The following ANO6 variants were observed in gnomAD, a reference collection of about 807,000 sequenced individuals.
ANO6 encodes anoctamin-6.
In ANO6, 106 loss-of-function variants were observed where a neutral mutation model predicts 117.5. The observed-to-expected ratio is 0.90, with a 90% CI of 0.77 to 1.06. The LOEUF (loss-of-function observed/expected upper bound fraction) is 1.06, where lower values mean the gene tolerates loss of function less well. ANO6 is among the 50% of genes least tolerant of loss of function. The pLI is 0.00. For missense variants in ANO6, 955 were observed against 1,121.1 expected, an observed-to-expected ratio of 0.85 and a Z score of 2.12; for synonymous variants, 367 against 385.1, an observed-to-expected ratio of 0.95 and a Z score of 0.55.
intron 1 of ANO6, among the ~76,000 whole-genome samples, chr12:45,233,582 G>A (rs1176363989): frequency 6.6e-6 from 1 of 152,100 alleles, no homozygotes; most frequent in Non-Finnish European, 1.5e-5. Context: ...TCTTTTGCCT[G>A]TGCTCTTGTC....
At chr12:45,266,159 A>C (rs887566017) in intron 1 of ANO6, among the ~76,000 whole-genome samples, 1 of 152,180 alleles carries the variant, frequency 6.6e-6, no homozygotes, top group African/African-American at 2.4e-5. Context: ...TGATCTTTTC[A>C]GTTGTCTGCA....
At chr12:45,250,367 A>G (rs1438108749) in intron 1 of ANO6, among the ~76,000 whole-genome samples, 2 of 152,204 alleles carry the variant, frequency 1.3e-5, no homozygotes, top group East Asian at 1.9e-4. Flanking sequence ...TAAAGACAGA[A>G]GAAAATATGT....
chr12:45,274,729 C>T (rs1034153726), intron 1 of ANO6, among the ~76,000 whole-genome samples: 1 of 151,226 alleles, frequency 6.6e-6, no homozygotes, highest in African/African-American at 2.4e-5. Flanking sequence ...TCCTGCTCTG[C>T]GTGTCTCTTA....
intron 1 of ANO6, among the ~76,000 whole-genome samples, chr12:45,269,652 T>C (rs1321358314): frequency 6.6e-6 from 1 of 152,208 alleles, no homozygotes; most frequent in Non-Finnish European, 1.5e-5. Flanking sequence ...AATCAATTTC[T>C]AACTAAGTAT....
intron 9 of ANO6, among the ~76,000 whole-genome samples, chr12:45,369,494 T>A (rs1941768312): frequency 6.7e-6 from 1 of 149,746 alleles, no homozygotes; most frequent in Non-Finnish European, 1.5e-5. Context: ...TGTGTGCATT[T>A]TTTTGTTTTG....
intron 1 of ANO6, among the ~76,000 whole-genome samples, chr12:45,239,329 G>T (rs535266321): frequency 2.0e-5 from 3 of 152,188 alleles, no homozygotes; most frequent in African/African-American, 7.2e-5. Flanking sequence ...TATTTGTGTG[G>T]GTGTGTTTGT....
Position 45,350,705 on chromosome 12 carries a change from G to T in ANO6, c.794G>T (p.Arg265Leu). The T allele has an allele frequency of 6.2e-7, 1 of 1,613,724 alleles. No individual in the cohort carries two copies. The highest frequency in any genetic ancestry group is 8.5e-7 in the Non-Finnish European group (1 of 1,179,780). Reference sequence around the variant, plus strand: ...GAGGATCCCAGCTGCCCTAATGAACGGTACCTTCTGTACAGAGAATGGGCT... The same window carrying T: ...GAGGATCCCAGCTGCCCTAATGAACTGTACCTTCTGTACAGAGAATGGGCT... ...QSEDPSCPNE[R>L]YLLYREWAHP... Residue 265 changes from arginine (R) to leucine (L), a missense_variant, in exon 7 of 20, where the codon CGG becomes CTG. Coordinates refer to ENST00000320560, the MANE Select transcript of ANO6 (RefSeq NM_001025356.3).
intron 7 of ANO6, among the ~76,000 whole-genome samples, chr12:45,351,167 G>T (rs1409518835): frequency 6.6e-6 from 1 of 152,182 alleles, no homozygotes. Context: ...GAATAAAAAG[G>T]CACTCCTATC....
At chr12:45,257,358 G>A (rs971969986) in intron 1 of ANO6, among the ~76,000 whole-genome samples, 7 of 152,122 alleles carry the variant, frequency 4.6e-5, no homozygotes, top group Admixed American at 2.0e-4. Context: ...CAGTCTGCCC[G>A]TCCTGGGGCC....
intron 16 of ANO6, among the ~76,000 whole-genome samples, chr12:45,410,815 A>G (rs1454783892): frequency 6.6e-6 from 1 of 152,224 alleles, no homozygotes; most frequent in Non-Finnish European, 1.5e-5. Flanking sequence ...TGCTTTTAAA[A>G]ATATACATTA....
intron 10 of ANO6, among the ~76,000 whole-genome samples, chr12:45,386,963 A>G (rs980314328): frequency 1.3e-5 from 2 of 152,204 alleles, no homozygotes; most frequent in Non-Finnish European, 2.9e-5. Flanking sequence ...GCCCAGAGCA[A>G]CCTGTGCTTA....
intron 3 of ANO6, among the ~76,000 whole-genome samples, chr12:45,337,357 T>A (rs904610881): frequency 6.6e-6 from 1 of 152,120 alleles, no homozygotes; most frequent in African/African-American, 2.4e-5. Context: ...GCCTGTGGTG[T>A]TCAGCTCAGT....
chr12:45,252,371 G>T (rs1199414167), intron 1 of ANO6, among the ~76,000 whole-genome samples: 1 of 152,196 alleles, frequency 6.6e-6, no homozygotes, highest in Non-Finnish European at 1.5e-5. Flanking sequence ...GGCGTAAAGG[G>T]TTGAAAGAAA....
intron 19 of ANO6, among the ~76,000 whole-genome samples, chr12:45,424,333 T>TTG (rs1943442470): frequency 8.4e-6 from 1 of 119,436 alleles, no homozygotes; most frequent in Admixed American, 8.2e-5. Context: ...ATGGGTTTTT[T>TTG]TTTTTTTTTT....
chr12:45,270,595 A>G (rs1164994741), intron 1 of ANO6: 1 of 519,618 alleles, frequency 1.9e-6, no homozygotes, highest in Admixed American at 3.6e-5. Context: ...CAGTTCCGGG[A>G]GAACAGGCCT....
chr12:45,277,921 C>T (rs1245510646), intron 1 of ANO6, among the ~76,000 whole-genome samples: 1 of 151,904 alleles, frequency 6.6e-6, no homozygotes. Flanking sequence ...TATGGCAAGC[C>T]CCACCCAATT....
chr12:45,426,255 A>G (rs1287194802), intron 19 of ANO6, among the ~76,000 whole-genome samples: 2 of 152,210 alleles, frequency 1.3e-5, no homozygotes, highest in Non-Finnish European at 2.9e-5. Context: ...GAAATTCCAC[A>G]TATCTATAAA....
At chr12:45,270,532 C>A in intron 1 of ANO6, 1 of 1,027,436 alleles carries the variant, frequency 9.7e-7, no homozygotes, top group East Asian at 2.8e-5. Context: ...TGGGTAAGAT[C>A]CCCTTCCTTT....
chr12:45,302,942 A>G (rs936120738), intron 2 of ANO6, among the ~76,000 whole-genome samples: 47 of 152,190 alleles, frequency 3.1e-4, no homozygotes, highest in Non-Finnish European at 1.5e-5. Flanking sequence ...TCAATGTGAT[A>G]TACAATCACC....
Sources: gnomAD v4.1 joint callset for allele counts (sites outside exome capture counted in the v4.1 genomes callset) on GRCh38, gnomAD v4.1.1 for gene constraint, MANE v1.5 for transcripts, NCBI Gene and HGNC (gene_info 2026-07-23, HGNC 2026-07-21) for gene names.